Variants in DLG5 observed in about 807,000 individuals in gnomAD.
The protein encoded by DLG5 is discs large MAGUK scaffold protein 5.
DLG5 carries 48 observed loss-of-function variants against 189.8 expected under a neutral mutation model. The observed-to-expected ratio is 0.25, with a 90% CI of 0.20 to 0.32. DLG5 has a LOEUF of 0.32. Ranked by LOEUF, DLG5 falls within the 10% of genes least tolerant of loss-of-function variation. The pLI is 1.00. For synonymous variants in DLG5, 1,016 were observed against 1,054.1 expected, an observed-to-expected ratio of 0.96 and a Z score of 0.70; for missense variants, 2,160 against 2,544.7, an observed-to-expected ratio of 0.85 and a Z score of 3.25.
intron 1 of DLG5, among the ~76,000 whole-genome samples, chr10:77,909,321 A>T (rs1440185036): frequency 1.3e-5 from 2 of 152,152 alleles, no homozygotes; most frequent in Non-Finnish European, 2.9e-5. Flanking sequence ...ACACATGGAC[A>T]CAAGGAGGGG....
At chr10:77,836,414 C>T (rs149256869) in intron 7 of DLG5, among the ~76,000 whole-genome samples, 79 of 152,214 alleles carry the variant, frequency 5.2e-4, no homozygotes, top group African/African-American at 1.9e-3. Flanking sequence ...CTCCTCCTCC[C>T]GCTTGAGGCT....
intron 23 of DLG5, among the ~76,000 whole-genome samples, chr10:77,810,089 A>AG (rs1353210135): frequency 6.6e-6 from 1 of 152,206 alleles, no homozygotes; most frequent in African/African-American, 2.4e-5. Context: ...GGAAAGGTAA[A>AG]GTTGGCCTCA....
At chr10:77,869,030 C>G in intron 2 of DLG5, 99 bp downstream of exon 2, 1 of 956,430 alleles carries the variant, frequency 1.0e-6, no homozygotes, top group Non-Finnish European at 1.6e-6. Flanking sequence ...AGTAATCTGA[C>G]AAGGGAGAAC....
chr10:77,821,737 A>G lies in DLG5; in HGVS notation c.2747T>C (p.Leu916Pro). The G allele has an allele frequency of 6.2e-7, 1 of 1,610,104 alleles. No individual in the cohort carries two copies. The highest frequency in any genetic ancestry group is 1.1e-5 in the South Asian group (1 of 90,844). ...GLVDVRGRRPLLPFETEVGPC... is the reference protein window; with the variant it reads ...GLVDVRGRRPPLPFETEVGPC... ...GCCCACCTCGGTCTCAAAGGGCAGCAGTGGCCGCCGGCCACGCACGTCCAC... is the reference window on the plus strand; with the variant it reads ...GCCCACCTCGGTCTCAAAGGGCAGCGGTGGCCGCCGGCCACGCACGTCCAC... Residue 916 changes from leucine to proline, a missense_variant, in exon 15 of 32, where the codon CTG becomes CCG. Physicochemically the swap from Leu to Pro is moderately conservative, Grantham distance 98. Around this residue, in one of 5 missense-constraint regions of DLG5, gnomAD observed 754 missense variants for 746.5 expected, o/e 1.01. Transcript: ENST00000372391.
At chr10:77,841,807 C>T in intron 7 of DLG5, 74 bp downstream of exon 7, 1 of 1,525,434 alleles carries the variant, frequency 6.6e-7, no homozygotes, top group Non-Finnish European at 8.9e-7. Flanking sequence ...ATCCGGACAC[C>T]ACGCACTCTG....
At position 77,926,370 on chromosome 10, in the gene DLG5, C is replaced by T. The variant is rs754892539; in HGVS notation, c.151G>A (p.Ala51Thr). The T allele has an allele frequency of 6.3e-7, 1 of 1,597,222 alleles. No homozygotes were observed. The highest frequency in any genetic ancestry group is 2.3e-5 in the East Asian group (1 of 44,216). ...RRQLDEEAGG[A>T]KAELLLKLLL... is the part of the protein sequence containing the mutation. The stretch of plus-strand genomic sequence containing the variant: ...AGCTTGAGCAGCAGCTCCGCCTTGG[C>T]GCCTCCCGCCTCCTCGTCCAGCTGC... The change falls in exon 1 of 32, where the codon GCC becomes ACC. Residue 51 changes from alanine (A) to threonine (T), a missense_variant. Coordinates refer to ENST00000372391, the MANE Select transcript of DLG5 (RefSeq NM_004747.4). The surrounding 1 kb of genome is among the most constrained non-coding windows in gnomAD (Gnocchi z 5.2).
At chr10:77,847,899 G>T (rs895617121) in intron 5 of DLG5, among the ~76,000 whole-genome samples, 3 of 152,084 alleles carry the variant, frequency 2.0e-5, no homozygotes, top group Non-Finnish European at 4.4e-5. Context: ...AGAGATGGGG[G>T]TCTCACTATG....
rs772880547 is a variant in DLG5 at position 77,794,863 on chromosome 10, G to A, written c.5532C>T (p.Ser1844=). The stretch of plus-strand genomic sequence containing the variant: ...CAGTTACCTACTTGATGTGCTTGGC[G>A]CTCTTGTAGTGGATGAAGATGACAA... The part of the protein sequence containing the change: ...YPIVIFIHYK[S]AKHIKEQRDP... Residue 1844 remains serine (S), a synonymous_variant, in exon 30 of 32, where the codon AGC becomes AGT. Coordinates refer to ENST00000372391, the MANE Select transcript of DLG5 (RefSeq NM_004747.4). 4.3e-6 allele frequency: 7 copies of A among 1,614,002 alleles called. No individual in the cohort carries two copies. The highest frequency in any genetic ancestry group is 3.3e-5 in the Admixed American group (2 of 60,014).
upstream of DLG5, chr10:77,927,342 T>C (rs1270914537): frequency 6.6e-6 from 1 of 152,574 alleles, no homozygotes; most frequent in Non-Finnish European, 1.5e-5. Context: ...TTGCCCCCAG[T>C]CCAGAGGGTC....
At chr10:77,852,216 C>T (rs1844012329) in intron 5 of DLG5, among the ~76,000 whole-genome samples, 1 of 151,870 alleles carries the variant, frequency 6.6e-6, no homozygotes, top group Non-Finnish European at 1.5e-5. Flanking sequence ...ACTAAAAATA[C>T]AAAAATCAGC....
chr10:77,867,739 TCA>T (rs1295251592), intron 2 of DLG5, among the ~76,000 whole-genome samples: 4 of 152,164 alleles, frequency 2.6e-5, no homozygotes, highest in Non-Finnish European at 5.9e-5. Flanking sequence ...TTTGGAAAGG[TCA>T]AAGCGTTATC....
At chr10:77,820,966 A>C in intron 15 of DLG5, 116 bp downstream of exon 15, 2 of 1,383,106 alleles carry the variant, frequency 1.4e-6, no homozygotes, top group Non-Finnish European at 9.6e-7. Flanking sequence ...GCAAAGGCAA[A>C]GGCACCAGGC....
Position 77,828,872 on chromosome 10 carries a change from T to G in DLG5, c.2289+10A>C. ...CGGCAGATGACCCTGGCTCCAGCCT[T>G]GAGACTTACCGCAACGATCCTGTCT... On this transcript the variant is annotated intron_variant, in intron 13 of 31. Coordinates refer to ENST00000372391, the MANE Select transcript of DLG5 (RefSeq NM_004747.4). 3.1e-6 allele frequency: 5 copies of G among 1,611,450 alleles called. No homozygotes were observed. Among genetic ancestry groups the G allele is most frequent in the East Asian group, 2.2e-5 (1 of 44,782 alleles).
At chr10:77,872,118 A>T (rs1357968104) in intron 1 of DLG5, among the ~76,000 whole-genome samples, 1 of 151,774 alleles carries the variant, frequency 6.6e-6, no homozygotes, top group Admixed American at 6.6e-5. Flanking sequence ...AAATTTCCCC[A>T]CTCTCACCTC....
chr10:77,861,668 G>A (rs2154576879), intron 2 of DLG5, among the ~76,000 whole-genome samples: 1 of 152,332 alleles, frequency 6.6e-6, no homozygotes, highest in Middle Eastern at 3.4e-3. Flanking sequence ...AATCTCCACA[G>A]CTCCCTACTG....
chr10:77,833,582 A>C (rs1473090389), intron 9 of DLG5, among the ~76,000 whole-genome samples: 1 of 152,100 alleles, frequency 6.6e-6, no homozygotes, highest in Admixed American at 6.5e-5. Flanking sequence ...TGAGTAGGGG[A>C]ATGAATGAAT....
At chr10:77,809,178 G>A (rs920588763) in intron 24 of DLG5, among the ~76,000 whole-genome samples, 10 of 151,748 alleles carry the variant, frequency 6.6e-5, no homozygotes, top group Non-Finnish European at 1.0e-4. Context: ...AGGCCGAGGC[G>A]GGCAGATCAC....
rs767092064 is a variant in DLG5 at position 77,854,259 on chromosome 10, A to G, written c.648T>C (p.Cys216=). The part of the protein sequence containing the change: ...QNQHTNALKR[C]EEVAKETDFY... The stretch of plus-strand genomic sequence containing the variant: ...AGTCAGTCTCCTTGGCCACCTCCTC[A>G]CACCTCTTCAAGGCGTTGGTGTGCT... The change falls in exon 4 of 32, where the codon TGT becomes TGC. Residue 216 remains cysteine (C), a synonymous_variant. Transcript: ENST00000372391. The G allele has an allele frequency of 6.2e-7, 1 of 1,614,166 alleles. No individual in the cohort carries two copies. The highest frequency in any genetic ancestry group is 1.1e-5 in the South Asian group (1 of 91,088).
chr10:77,891,439 G>T (rs1190585441), intron 1 of DLG5, among the ~76,000 whole-genome samples: 1 of 152,164 alleles, frequency 6.6e-6, no homozygotes, highest in African/African-American at 2.4e-5. Context: ...GACTGCAGCA[G>T]TGACTGGGAC....
Sources: gnomAD v4.1 joint callset for allele counts (sites outside exome capture counted in the v4.1 genomes callset) on GRCh38, gnomAD v4.1.1 for gene constraint, gnomAD v4.1.1 regional missense constraint, Gnocchi (gnomAD v3.1) non-coding constraint, MANE v1.5 for transcripts, NCBI Gene and HGNC (gene_info 2026-07-23, HGNC 2026-07-21) for gene names.